KANSL1L: variants seen among roughly 807,000 people sequenced by gnomAD.
KANSL1L encodes KAT8 regulatory NSL complex subunit 1 like, also known as KAT8 regulatory NSL complex subunit 1-like protein.
Under a neutral mutation model 108.6 loss-of-function variants are expected in KANSL1L, and 25 were observed. The observed-to-expected ratio is 0.23, with a 90% CI of 0.17 to 0.32. KANSL1L has a LOEUF of 0.32. Among genes scored for constraint, KANSL1L ranks in the 10% least tolerant of loss-of-function variants. The pLI is 1.00. For synonymous variants in KANSL1L, 405 were observed against 395.1 expected (o/e 1.03, Z -0.30); for missense variants, 1,137 against 1,125.7 (o/e 1.01, Z -0.14).
At chr2:210,099,048 A>G (rs998420004) in intron 4 of KANSL1L, among the ~76,000 whole-genome samples, 1 of 151,982 alleles carries the variant, frequency 6.6e-6, no homozygotes, top group African/African-American at 2.4e-5. Context: ...ATATAGAGAC[A>G]TTTTAAAAAT....
At chr2:210,031,231 G>T in intron 9 of KANSL1L, 190 bp downstream of exon 9, 1 of 486,216 alleles carries the variant, frequency 2.1e-6, no homozygotes, top group Non-Finnish European at 3.6e-6. Flanking sequence ...GCCATAAAGT[G>T]GGTAGATACC....
At chr2:210,129,281 C>T (rs2095097991) in intron 2 of KANSL1L, 109 bp from the exon 3 acceptor site, 3 of 855,180 alleles carry the variant, frequency 3.5e-6, no homozygotes, top group South Asian at 4.8e-5. Flanking sequence ...TTCCTTTCTA[C>T]AACATGTAAT....
At chr2:210,056,670 A>G (rs530504235) in intron 6 of KANSL1L, among the ~76,000 whole-genome samples, 39 of 152,210 alleles carry the variant, frequency 2.6e-4, no homozygotes, top group African/African-American at 8.4e-4. Context: ...TAGTAGAGAT[A>G]GAGTTTCACC....
At chr2:210,105,631 A>T (rs749699808) in intron 3 of KANSL1L, among the ~76,000 whole-genome samples, 1 of 151,758 alleles carries the variant, frequency 6.6e-6, no homozygotes, top group Non-Finnish European at 1.5e-5. Context: ...AGTTTACACT[A>T]TGTAATTTAG....
chr2:210,049,687 T>C (rs147607886), intron 6 of KANSL1L, among the ~76,000 whole-genome samples: 1 of 152,318 alleles, frequency 6.6e-6, no homozygotes, highest in Non-Finnish European at 1.5e-5. Flanking sequence ...CTAGACATTA[T>C]AGTGTTTCTC....
chr2:210,160,351 A>G (rs1427647770), intron 1 of KANSL1L, among the ~76,000 whole-genome samples: 1 of 149,400 alleles, frequency 6.7e-6, no homozygotes, highest in Non-Finnish European at 1.5e-5. Flanking sequence ...GTAGAGCAAG[A>G]AAAAAAAAAG....
chr2:210,134,228 G>A (rs570601092), intron 2 of KANSL1L, among the ~76,000 whole-genome samples: 2 of 152,088 alleles, frequency 1.3e-5, no homozygotes, highest in South Asian at 2.1e-4. Flanking sequence ...GCTTCTGAAC[G>A]TTCAATGGTT....
At chr2:210,056,159 T>C (rs2094348077) in intron 6 of KANSL1L, among the ~76,000 whole-genome samples, 1 of 152,136 alleles carries the variant, frequency 6.6e-6, no homozygotes. Flanking sequence ...CTTCAGAGGG[T>C]GCAAGCCCTA....
chr2:210,093,014 A>G (rs112867304), intron 5 of KANSL1L, among the ~76,000 whole-genome samples: 6 of 152,202 alleles, frequency 3.9e-5, no homozygotes, highest in African/African-American at 1.4e-4. Context: ...AAACAGTTTT[A>G]CTTCCAATGT....
At chr2:210,062,851 G>T (rs1387616224) in intron 6 of KANSL1L, among the ~76,000 whole-genome samples, 1 of 152,172 alleles carries the variant, frequency 6.6e-6, no homozygotes, top group Non-Finnish European at 1.5e-5. Context: ...GTTGCAGCCT[G>T]ACGATACAAT....
At chr2:210,138,156 T>C (rs2095191676) in intron 2 of KANSL1L, among the ~76,000 whole-genome samples, 1 of 149,822 alleles carries the variant, frequency 6.7e-6, no homozygotes, top group Non-Finnish European at 1.5e-5. Context: ...TGAGCTGTGA[T>C]TTTTTTTTTA....
intron 9 of KANSL1L, among the ~76,000 whole-genome samples, chr2:210,030,363 C>A (rs554361790): frequency 6.6e-6 from 1 of 151,774 alleles, no homozygotes; most frequent in East Asian, 1.9e-4. Context: ...TACATGTTTC[C>A]GAAAGTACTT....
intron 6 of KANSL1L, among the ~76,000 whole-genome samples, chr2:210,066,051 T>C (rs936467925): frequency 4.6e-5 from 7 of 152,202 alleles, no homozygotes; most frequent in Non-Finnish European, 1.0e-4. Context: ...ACAGCCCCAA[T>C]GAACCATGAC....
At chr2:210,024,349 T>TTTG in intron 13 of KANSL1L, 148 bp from the exon 14 acceptor site, 1 of 499,176 alleles carries the variant, frequency 2.0e-6, no homozygotes, top group Non-Finnish European at 3.5e-6. Context: ...CCTGGTGCTA[T>TTTG]TTATTATTTT....
chr2:210,077,099 A>G (rs2094548210), intron 5 of KANSL1L, among the ~76,000 whole-genome samples: 1 of 152,198 alleles, frequency 6.6e-6, no homozygotes, highest in South Asian at 2.1e-4. Context: ...TAGTAATAAG[A>G]AACCAGAAAT....
Position 210,117,146 on chromosome 2 carries a change from A to G in KANSL1L, c.1230+11885T>C, listed in dbSNP as rs118069205. Among the ~76,000 whole-genome samples the G allele has an allele frequency of 1.9e-4, 29 of 152,330 alleles. No individual in the cohort carries two copies. The East Asian group carries it at 5.4e-3, about 28-fold the overall frequency. On this transcript the variant is annotated intron_variant, in intron 3 of 14. Transcript: ENST00000281772. ...GTCTCTTAACAGCAGGATTAATCAA[A>G]AAGAAGAAAATTACTGAGCTTGAAG...
At chr2:210,082,672 A>C (rs558601908) in intron 5 of KANSL1L, among the ~76,000 whole-genome samples, 16 of 152,362 alleles carry the variant, frequency 1.1e-4, no homozygotes, top group Admixed American at 2.0e-4. Context: ...AAGGAAACTA[A>C]GTTCAAGGAA....
At chr2:210,067,931 G>A (rs1415340768) in intron 6 of KANSL1L, among the ~76,000 whole-genome samples, 1 of 151,934 alleles carries the variant, frequency 6.6e-6, no homozygotes, top group Non-Finnish European at 1.5e-5. Context: ...AGGCTGGAGT[G>A]CAGTGGCACA....
chr2:210,039,552 A>C (rs1325194245), intron 8 of KANSL1L, among the ~76,000 whole-genome samples: 2 of 151,820 alleles, frequency 1.3e-5, no homozygotes, highest in African/African-American at 2.4e-5. Flanking sequence ...TGTAGAAATA[A>C]TTTATCTTAA....
Sources: gnomAD v4.1 joint callset for allele counts (sites outside exome capture counted in the v4.1 genomes callset) on GRCh38, gnomAD v4.1.1 for gene constraint, MANE v1.5 for transcripts, NCBI Gene and HGNC (gene_info 2026-07-23, HGNC 2026-07-21) for gene names.